Variants in FGD4 observed in about 807,000 individuals in gnomAD.
FGD4 encodes FYVE, RhoGEF and PH domain-containing protein 4.
Under a neutral mutation model 102.0 loss-of-function variants are expected in FGD4, and 42 were observed. The ratio of observed to expected loss-of-function variants is 0.41; its 90% CI spans 0.32 to 0.53. The LOEUF (loss-of-function observed/expected upper bound fraction) is 0.53. Among genes scored for constraint, FGD4 ranks in the 20% least tolerant of loss-of-function variants. FGD4 has a pLI of 0.21. For synonymous variants in FGD4, 380 were observed against 375.7 expected (o/e 1.01, Z -0.13); for missense variants, 902 against 1,078.2 (o/e 0.84, Z 2.29).
chr12:32,496,866 A>G (rs1016784359), intron 1 of FGD4, among the ~76,000 whole-genome samples: 16 of 152,236 alleles, frequency 1.1e-4, no homozygotes, highest in Admixed American at 1.3e-4. Context: ...TTTAGAATCG[A>G]TATTAAGGAT....
Position 32,640,767 on chromosome 12 carries a change from C to G in FGD4, c.*234C>G, listed in dbSNP as rs1951121307. 1 of 629,424 alleles carries G rather than the reference C, an allele frequency of 1.6e-6. No individual in the cohort carries two copies. The highest frequency in any genetic ancestry group is 2.7e-6 in the Non-Finnish European group (1 of 364,182). 39.0% of individuals were successfully genotyped at this position (629,424 alleles called of 1,614,324 possible). A position where few individuals can be genotyped will look rare whatever the true frequency, so the allele number is the denominator to read the frequency against. ...AACTGGAGCATTTTTTGAGCTATTC[C>G]TTGAATATGTGCTTTTTTGTCTTGA... On this transcript the variant is annotated 3_prime_UTR_variant, in exon 17 of 17. Coordinates refer to ENST00000534526, the MANE Select transcript of FGD4 (RefSeq NM_001370298.3).
chr12:32,626,398 C>T (rs56112450), intron 14 of FGD4, among the ~76,000 whole-genome samples: 2 of 147,000 alleles, frequency 1.4e-5, no homozygotes, highest in African/African-American at 2.5e-5. Flanking sequence ...GAGCTGAGAT[C>T]GCACCATTGC....
intron 1 of FGD4, among the ~76,000 whole-genome samples, chr12:32,540,722 C>T (rs1335670702): frequency 6.6e-6 from 1 of 152,026 alleles, no homozygotes; most frequent in Non-Finnish European, 1.5e-5. Context: ...TGTGCCACCA[C>T]CCCCAGCTAA....
At chr12:32,464,271 G>A (rs902181239) in intron 1 of FGD4, among the ~76,000 whole-genome samples, 1 of 152,106 alleles carries the variant, frequency 6.6e-6, no homozygotes, top group Non-Finnish European at 1.5e-5. Context: ...TCCTGCCTCA[G>A]CCTCCCAAGT....
chr12:32,607,596 G>A (rs1313282329), intron 7 of FGD4, among the ~76,000 whole-genome samples: 3 of 152,130 alleles, frequency 2.0e-5, no homozygotes, highest in Non-Finnish European at 2.9e-5. Flanking sequence ...TGAAACCTCC[G>A]CCTCCCAGGT....
intron 1 of FGD4, among the ~76,000 whole-genome samples, chr12:32,464,152 T>G (rs922485576): frequency 6.6e-6 from 1 of 152,156 alleles, no homozygotes; most frequent in Admixed American, 6.6e-5. Context: ...CATGTTTTTG[T>G]TTTTTTGTTT....
At chr12:32,555,569 C>CTTTTT (rs776546962) in intron 1 of FGD4, among the ~76,000 whole-genome samples, 3 of 118,758 alleles carry the variant, frequency 2.5e-5, no homozygotes, top group Non-Finnish European at 3.5e-5. Context: ...GAGACAAGGT[C>CTTTTT]TTTTTTTTTT....
At chr12:32,495,644 C>G (rs962093539) in intron 1 of FGD4, among the ~76,000 whole-genome samples, 1 of 149,220 alleles carries the variant, frequency 6.7e-6, no homozygotes, top group African/African-American at 2.5e-5. Context: ...TGCAGTGAGC[C>G]GAGATCGCAC....
At chr12:32,634,979 T>A (rs1236695614) in intron 15 of FGD4, among the ~76,000 whole-genome samples, 1 of 113,334 alleles carries the variant, frequency 8.8e-6, no homozygotes, top group African/African-American at 4.5e-5. Context: ...AGAGCTAGAC[T>A]CTGTCTCAAA....
chr12:32,535,028 T>C (rs996267179), intron 1 of FGD4, among the ~76,000 whole-genome samples: 1 of 152,202 alleles, frequency 6.6e-6, no homozygotes, highest in South Asian at 2.1e-4. Flanking sequence ...GTTTGTTTTT[T>C]AAAAATTGTT....
chr12:32,529,858 T>TAAAA (rs530797820), intron 1 of FGD4, among the ~76,000 whole-genome samples: 1 of 140,818 alleles, frequency 7.1e-6, no homozygotes, highest in Non-Finnish European at 1.5e-5. Flanking sequence ...AAAAAAAAAT[T>TAAAA]TAAAAAAAAA....
chr12:32,548,235 AG>A (rs1212177408), intron 1 of FGD4, among the ~76,000 whole-genome samples: 6 of 152,096 alleles, frequency 3.9e-5, no homozygotes, highest in African/African-American at 1.4e-4. Flanking sequence ...TCCATGTGTG[AG>A]GGGGTGGTTG....
intron 1 of FGD4, among the ~76,000 whole-genome samples, chr12:32,547,207 G>A (rs1158307173): frequency 6.6e-6 from 1 of 152,136 alleles, no homozygotes; most frequent in Non-Finnish European, 1.5e-5. Flanking sequence ...GGAGGCCAAG[G>A]CAGGAGGATC....
At chr12:32,513,767 C>T (rs1308299009) in intron 1 of FGD4, among the ~76,000 whole-genome samples, 1 of 152,134 alleles carries the variant, frequency 6.6e-6, no homozygotes, top group Non-Finnish European at 1.5e-5. Context: ...CTAGATGATG[C>T]ATCATTGGCT....
intron 1 of FGD4, among the ~76,000 whole-genome samples, chr12:32,524,995 T>C (rs747886884): frequency 6.6e-6 from 1 of 152,238 alleles, no homozygotes; most frequent in Non-Finnish European, 1.5e-5. Context: ...TATGTATATG[T>C]CTCTAAAGAT....
intron 14 of FGD4, among the ~76,000 whole-genome samples, chr12:32,629,593 T>A (rs1950377528): frequency 6.6e-6 from 1 of 152,200 alleles, no homozygotes; most frequent in Non-Finnish European, 1.5e-5. Flanking sequence ...ATATATAACA[T>A]CATCTCATTC....
chr12:32,521,582 A>G (rs2136744197), intron 1 of FGD4, among the ~76,000 whole-genome samples: 1 of 152,316 alleles, frequency 6.6e-6, no homozygotes, highest in Non-Finnish European at 1.5e-5. Context: ...CCTGTATACT[A>G]TATTGAGTCC....
chr12:32,544,107 C>T lies in FGD4; in HGVS notation c.167-20030C>T, dbSNP rs1336579157. ...TGACTTAAACAAGAGTCACATGGTG[C>T]TATGAGCTTAAATAATTACTAGTAA... On this transcript the variant is annotated intron_variant, in intron 1 of 16. Transcript: ENST00000534526. This position sits in a 1 kb window ranked among gnomAD's most constrained non-coding sequence, Gnocchi z 4.1. Among the ~76,000 whole-genome samples the T allele has an allele frequency of 6.6e-6, 1 of 152,126 alleles. No individual in the cohort carries two copies.
intron 1 of FGD4, among the ~76,000 whole-genome samples, chr12:32,400,401 T>TC (rs1471413809): frequency 6.6e-6 from 1 of 152,184 alleles, no homozygotes; most frequent in Non-Finnish European, 1.5e-5. Flanking sequence ...GCAACCTTCT[T>TC]AGTGCCTGGA....
Sources: gnomAD v4.1 joint callset for allele counts (sites outside exome capture counted in the v4.1 genomes callset) on GRCh38, gnomAD v4.1.1 for gene constraint, Gnocchi (gnomAD v3.1) non-coding constraint, MANE v1.5 for transcripts, NCBI Gene and HGNC (gene_info 2026-07-23, HGNC 2026-07-21) for gene names.